Variants in NR2F1-AS1 observed in about 807,000 individuals in gnomAD.
NR2F1-AS1 encodes the protein NR2F1 antisense RNA 1.
chr5:93,508,416 T>C (rs1331604091), intron 4 of NR2F1-AS1, among the ~76,000 whole-genome samples: 1 of 152,104 alleles, frequency 6.6e-6, no homozygotes, highest in Admixed American at 6.6e-5. Context: ...CTGAGAAAAT[T>C]AGTTACATAC....
At chr5:93,421,797 G>T (rs1261804790) in intron 4 of NR2F1-AS1, among the ~76,000 whole-genome samples, 2 of 152,172 alleles carry the variant, frequency 1.3e-5, no homozygotes, top group Non-Finnish European at 2.9e-5. Context: ...ACAGAGATTA[G>T]TGGGCAGCAA....
At chr5:93,536,916 T>C (rs1751851976) in intron 4 of NR2F1-AS1, among the ~76,000 whole-genome samples, 1 of 152,146 alleles carries the variant, frequency 6.6e-6, no homozygotes, top group Non-Finnish European at 1.5e-5. Context: ...GTGGGTCTCA[T>C]GAGATCTGAT....
chr5:93,497,679 A>C (rs1239950356), intron 4 of NR2F1-AS1, among the ~76,000 whole-genome samples: 2 of 152,200 alleles, frequency 1.3e-5, no homozygotes, highest in Non-Finnish European at 2.9e-5. Context: ...AAGTATACTT[A>C]ATGTAATAAA....
intron 4 of NR2F1-AS1, among the ~76,000 whole-genome samples, chr5:93,546,666 TC>T (rs1417607343): frequency 3.9e-5 from 6 of 152,132 alleles, no homozygotes; most frequent in Admixed American, 6.6e-5. Flanking sequence ...CTGGAATTGA[TC>T]GTTTTCGTTT....
chr5:93,523,751 T>C (rs996177790), intron 4 of NR2F1-AS1, among the ~76,000 whole-genome samples: 7 of 152,126 alleles, frequency 4.6e-5, no homozygotes, highest in African/African-American at 7.2e-5. Flanking sequence ...AGCAGACCTG[T>C]AGCAGAGAAG....
At chr5:93,418,204 A>C (rs1749007646) in intron 4 of NR2F1-AS1, among the ~76,000 whole-genome samples, 1 of 152,186 alleles carries the variant, frequency 6.6e-6, no homozygotes, top group East Asian at 1.9e-4. Flanking sequence ...CTGGTGACTG[A>C]CAGCCGAGGC....
In NR2F1-AS1 at chr5:93,561,597, A is replaced by T. The variant is rs972381937; in HGVS notation, n.413+1767T>A. The stretch of plus-strand genomic sequence containing the variant: ...AGACCAGTCCAGGCAACAAAGTGAG[A>T]CCCCGTCTCTACAAAAAATTAAAAA... On this transcript the variant is annotated intron_variant and non_coding_transcript_variant, in intron 2 of 5. Transcript: ENST00000660523. 3.2e-4 allele frequency among the ~76,000 whole-genome samples: 49 copies of T among 151,956 alleles called. 1 individual carries two copies. The highest frequency in any genetic ancestry group is 3.2e-3 in the Admixed American group (49 of 15,264).
chr5:93,457,412 G>A (rs193013140), intron 4 of NR2F1-AS1, among the ~76,000 whole-genome samples: 5 of 152,256 alleles, frequency 3.3e-5, no homozygotes, highest in South Asian at 4.2e-4. Flanking sequence ...ACCTTGAGTC[G>A]TCACAGCACG....
chr5:93,496,000 A>G (rs1180062492), intron 4 of NR2F1-AS1: 1 of 152,182 alleles, frequency 6.6e-6, no homozygotes, highest in Non-Finnish European at 1.5e-5. Flanking sequence ...TGATTTGAAC[A>G]TAAAGAGAAA....
At chr5:93,529,450 T>C (rs1277659248) in intron 4 of NR2F1-AS1, among the ~76,000 whole-genome samples, 2 of 152,232 alleles carry the variant, frequency 1.3e-5, no homozygotes, top group Admixed American at 6.5e-5. Flanking sequence ...AAGCAGAAAT[T>C]TGACCAAAAA....
intron 4 of NR2F1-AS1, among the ~76,000 whole-genome samples, chr5:93,451,588 A>AG (rs1304087984): frequency 2.6e-5 from 4 of 152,000 alleles, no homozygotes; most frequent in South Asian, 2.1e-4. Context: ...TTTTTTGTAG[A>AG]GGGGGGGTTC....
chr5:93,475,488 C>A (rs1027256063), intron 4 of NR2F1-AS1, among the ~76,000 whole-genome samples: 1 of 152,166 alleles, frequency 6.6e-6, no homozygotes, highest in African/African-American at 2.4e-5. Context: ...TTCAGTGGAA[C>A]AAATGCAGCC....
chr5:93,443,002 A>G (rs1002250694), intron 4 of NR2F1-AS1, among the ~76,000 whole-genome samples: 1 of 152,226 alleles, frequency 6.6e-6, no homozygotes, highest in Non-Finnish European at 1.5e-5. Context: ...AGGAAAACTA[A>G]CAAACAGAAA....
chr5:93,467,360 G>C (rs1372546123), intron 4 of NR2F1-AS1, among the ~76,000 whole-genome samples: 2 of 152,010 alleles, frequency 1.3e-5, no homozygotes, highest in African/African-American at 4.8e-5. Flanking sequence ...TTGTATCATT[G>C]AACTATGCCA....
At chr5:93,510,840 G>A (rs1389755215) in intron 4 of NR2F1-AS1, among the ~76,000 whole-genome samples, 3 of 152,142 alleles carry the variant, frequency 2.0e-5, no homozygotes, top group Non-Finnish European at 4.4e-5. Context: ...GTGTATGACA[G>A]AAATGCCAAG....
intron 4 of NR2F1-AS1, among the ~76,000 whole-genome samples, chr5:93,481,623 A>G (rs1015764986): frequency 4.6e-5 from 7 of 152,144 alleles, no homozygotes; most frequent in African/African-American, 1.7e-4. Flanking sequence ...TCAAGTTCAC[A>G]TGAAACATTC....
intron 4 of NR2F1-AS1, among the ~76,000 whole-genome samples, chr5:93,520,689 C>G (rs569916248): frequency 6.6e-6 from 1 of 151,932 alleles, no homozygotes; most frequent in African/African-American, 2.4e-5. Flanking sequence ...TTCTCGTCTT[C>G]CATCAAAAAC....
chr5:93,511,538 C>T (rs1751295479), intron 4 of NR2F1-AS1, among the ~76,000 whole-genome samples: 1 of 152,112 alleles, frequency 6.6e-6, no homozygotes, highest in South Asian at 2.1e-4. Context: ...TGACTGTGGT[C>T]TCAAAAGATT....
chr5:93,432,726 C>T (rs902568760), intron 4 of NR2F1-AS1, among the ~76,000 whole-genome samples: 8 of 152,162 alleles, frequency 5.3e-5, no homozygotes, highest in Non-Finnish European at 7.3e-5. Context: ...CCTGCCTGTA[C>T]GCTGCCTACA....
Sources: allele counts gnomAD v4.1 joint callset (sites outside exome capture counted in the v4.1 genomes callset), GRCh38; gene constraint gnomAD v4.1.1; transcripts MANE v1.5; gene names NCBI Gene and HGNC (gene_info 2026-07-23, HGNC 2026-07-21).